PDE4B: variants seen among roughly 807,000 people sequenced by gnomAD.
PDE4B encodes phosphodiesterase 4B, also known as 3',5'-cyclic-AMP phosphodiesterase 4B.
A neutral mutation model predicts 82.2 loss-of-function variants in PDE4B; 20 were observed. The ratio of observed to expected loss-of-function variants is 0.24; its 90% confidence interval spans 0.17 to 0.35. The LOEUF is 0.35. PDE4B is among the 10% of genes least tolerant of loss of function. PDE4B has a pLI of 1.00. For synonymous variants in PDE4B, 320 were observed against 318.9 expected, an observed-to-expected ratio of 1.00 and a Z score of -0.04; for missense variants, 655 against 907.2, an observed-to-expected ratio of 0.72 and a Z score of 3.57.
chr1:65,948,066 C>T (rs1266165269), intron 3 of PDE4B, among the ~76,000 whole-genome samples: 1 of 150,634 alleles, frequency 6.6e-6, no homozygotes, highest in African/African-American at 2.4e-5. Context: ...GTCTTACTGG[C>T]ATATCCAGGA....
intron 3 of PDE4B, among the ~76,000 whole-genome samples, chr1:66,242,776 G>C (rs886520308): frequency 2.0e-5 from 3 of 152,126 alleles, no homozygotes; most frequent in Non-Finnish European, 4.4e-5. Context: ...TAAGGCTTCA[G>C]TTATGTTTCT....
chr1:65,939,613 A>G (rs1648335554), intron 3 of PDE4B, among the ~76,000 whole-genome samples: 1 of 152,152 alleles, frequency 6.6e-6, no homozygotes, highest in Non-Finnish European at 1.5e-5. Flanking sequence ...ATTTACATGA[A>G]GAGAATGCTC....
At chr1:65,820,566 A>T in intron 1 of PDE4B, among the ~76,000 whole-genome samples, 1 of 152,200 alleles carries the variant, frequency 6.6e-6, no homozygotes, top group South Asian at 2.1e-4. Context: ...GAGTAAGAGC[A>T]TATGTTTTAA....
At chr1:66,042,663 C>G (rs1366047126) in intron 3 of PDE4B, 1 of 151,678 alleles carries the variant, frequency 6.6e-6, no homozygotes, top group African/African-American at 2.4e-5. Context: ...AGGCAGTGTG[C>G]TGTGGTAGTG....
intron 3 of PDE4B, among the ~76,000 whole-genome samples, chr1:66,037,429 T>G (rs1264596280): frequency 6.6e-6 from 1 of 152,200 alleles, no homozygotes; most frequent in Non-Finnish European, 1.5e-5. Flanking sequence ...GCTGTTAGTG[T>G]GTAGACATAC....
At chr1:66,017,637 T>A (rs1460245964) in intron 3 of PDE4B, among the ~76,000 whole-genome samples, 2 of 152,172 alleles carry the variant, frequency 1.3e-5, no homozygotes, top group African/African-American at 4.8e-5. Flanking sequence ...CTTGCTTTAA[T>A]AGCTTCATTT....
At chr1:66,141,439 A>G (rs926096478) in intron 3 of PDE4B, among the ~76,000 whole-genome samples, 1 of 149,822 alleles carries the variant, frequency 6.7e-6, no homozygotes, top group African/African-American at 2.5e-5. Context: ...ATTTTAGTGA[A>G]TAAGTCTTAT....
At chr1:65,900,255 GA>G (rs943193557) in intron 1 of PDE4B, among the ~76,000 whole-genome samples, 29 of 151,990 alleles carry the variant, frequency 1.9e-4, no homozygotes, top group African/African-American at 7.0e-4. Flanking sequence ...CTTTGTTGAA[GA>G]TTAGATGGTT....
chr1:66,289,201 G>C (rs1330643232), intron 7 of PDE4B, among the ~76,000 whole-genome samples: 2 of 152,148 alleles, frequency 1.3e-5, no homozygotes, highest in South Asian at 2.1e-4. Flanking sequence ...CCAGTAGTTA[G>C]AGGCTACAAT....
chr1:66,208,779 A>T (rs558153), intron 3 of PDE4B, among the ~76,000 whole-genome samples: 19,371 of 152,226 alleles, frequency 0.13, 1,431 homozygotes, highest in Non-Finnish European at 0.17. Context: ...AAATGCAAAA[A>T]ATATATTGAT....
intron 2 of PDE4B, among the ~76,000 whole-genome samples, chr1:65,918,317 G>A (rs1358166769): frequency 1.3e-5 from 2 of 152,136 alleles, no homozygotes; most frequent in Non-Finnish European, 2.9e-5. Context: ...AAATAGGAAA[G>A]AAGGAGGCCT....
chr1:65,892,820 C>T (rs971725223), intron 1 of PDE4B, among the ~76,000 whole-genome samples: 1 of 152,074 alleles, frequency 6.6e-6, no homozygotes, highest in Non-Finnish European at 1.5e-5. Context: ...TTACTCCCTT[C>T]TCTTTTTTTC....
intron 3 of PDE4B, among the ~76,000 whole-genome samples, chr1:66,072,358 T>C (rs1248935901): frequency 6.6e-6 from 1 of 152,140 alleles, no homozygotes; most frequent in African/African-American, 2.4e-5. Context: ...ACTTTCCTTC[T>C]CTTTTCTTAG....
At chr1:66,147,152 A>G (rs555782525) in intron 3 of PDE4B, among the ~76,000 whole-genome samples, 1 of 152,372 alleles carries the variant, frequency 6.6e-6, no homozygotes, top group Admixed American at 6.5e-5. Context: ...AATATATTAT[A>G]CTTCAGAAAG....
intron 3 of PDE4B, among the ~76,000 whole-genome samples, chr1:65,981,780 C>T (rs1415262325): frequency 6.6e-6 from 1 of 152,082 alleles, no homozygotes; most frequent in Non-Finnish European, 1.5e-5. Flanking sequence ...ATAGCAAACT[C>T]TCAATAAATA....
intron 3 of PDE4B, among the ~76,000 whole-genome samples, chr1:66,083,758 A>G (rs1443051896): frequency 6.6e-6 from 1 of 152,050 alleles, no homozygotes; most frequent in Non-Finnish European, 1.5e-5. Context: ...AAAATCACTA[A>G]CTCTTTGGAA....
At chr1:66,370,484 G>T (rs755919747) in intron 16 of PDE4B, among the ~76,000 whole-genome samples, 8 of 152,284 alleles carry the variant, frequency 5.3e-5, no homozygotes, top group Non-Finnish European at 8.8e-5. Context: ...CACTACAGCA[G>T]CTCTCTCATC....
chr1:66,364,232 A>G (rs1427268765), intron 12 of PDE4B, among the ~76,000 whole-genome samples: 2 of 152,298 alleles, frequency 1.3e-5, no homozygotes, highest in East Asian at 3.9e-4. Flanking sequence ...ATTAGTAATA[A>G]GCATCCAGAG....
intron 1 of PDE4B, among the ~76,000 whole-genome samples, chr1:65,812,142 C>T (rs1404129183): frequency 3.3e-5 from 5 of 152,200 alleles, no homozygotes; most frequent in Non-Finnish European, 7.3e-5. Context: ...ATTGACTCAT[C>T]CCTGACCTCA....
Sources: gnomAD v4.1 joint callset for allele counts (sites outside exome capture counted in the v4.1 genomes callset) on GRCh38, gnomAD v4.1.1 for gene constraint, MANE v1.5 for transcripts, NCBI Gene and HGNC (gene_info 2026-07-23, HGNC 2026-07-21) for gene names.